Variants in SOS2 observed in about 807,000 individuals in gnomAD.
SOS2 encodes SOS Ras/Rho guanine nucleotide exchange factor 2.
Under a neutral mutation model 148.2 loss-of-function variants are expected in SOS2, and 65 were observed. The observed-to-expected ratio is 0.44, with a 90% CI of 0.36 to 0.54. SOS2 has a LOEUF of 0.54. Among genes scored for constraint, SOS2 ranks in the 20% least tolerant of loss-of-function variants. The pLI, the probability that SOS2 is intolerant of heterozygous loss-of-function variation, is 0.00. For synonymous variants in SOS2, 539 were observed against 537.1 expected (o/e 1.00, Z -0.05); for missense variants, 1,341 against 1,590.2 (o/e 0.84, Z 2.67).
Position 50,182,587 on chromosome 14 carries a change from C to A in SOS2, c.734G>T (p.Ser245Ile). Residue 245 changes from serine to isoleucine, a missense_variant, in exon 6 of 23, where the codon AGT becomes ATT. Transcript: ENST00000216373. ...CAATTCATGTATATCTGAAATGTTA[C>A]TAAAAATCTTTTCGATATCCTGAAA... is the stretch of plus-strand genomic sequence containing the variant. ...FKPSDIEKIFSNISDIHELTV... is the reference protein window; with the variant it reads ...FKPSDIEKIFINISDIHELTV... 6.2e-7 allele frequency: 1 copy of A among 1,602,948 alleles called. No individual in the cohort carries two copies. The highest frequency in any genetic ancestry group is 1.3e-5 in the African/African-American group (1 of 74,662).
chr14:50,202,117 T>C (rs946076976), intron 2 of SOS2, among the ~76,000 whole-genome samples: 2 of 152,100 alleles, frequency 1.3e-5, no homozygotes, highest in African/African-American at 2.4e-5. Context: ...CACATACCCC[T>C]ACTCTTGGCT....
At chr14:50,222,492 T>C (rs889860169) in intron 1 of SOS2, among the ~76,000 whole-genome samples, 4 of 152,174 alleles carry the variant, frequency 2.6e-5, no homozygotes, top group Non-Finnish European at 5.9e-5. Context: ...TGTGGGACTG[T>C]CTGGGAAGCA....
chr14:50,150,622 C>T (rs79041320), intron 13 of SOS2, among the ~76,000 whole-genome samples: 5,327 of 150,422 alleles, frequency 0.035, 328 homozygotes, highest in African/African-American at 0.12. Context: ...AGTGCAGTGG[C>T]GCAATCTCAA....
At chr14:50,136,125 G>C (rs563108616) in intron 18 of SOS2, among the ~76,000 whole-genome samples, 6 of 152,288 alleles carry the variant, frequency 3.9e-5, no homozygotes, top group African/African-American at 1.4e-4. Flanking sequence ...CTGAAACAAT[G>C]TGTTCTTATG....
chr14:50,221,831 TTAA>T (rs200318427), intron 1 of SOS2, among the ~76,000 whole-genome samples: 2 of 151,680 alleles, frequency 1.3e-5, no homozygotes, highest in Non-Finnish European at 2.9e-5. Flanking sequence ...GAATGAGACT[TTAA>T]TAATAATAAT....
At chr14:50,218,247 G>A (rs1222673719) in intron 1 of SOS2, among the ~76,000 whole-genome samples, 2 of 142,140 alleles carry the variant, frequency 1.4e-5, no homozygotes, top group African/African-American at 2.6e-5. Flanking sequence ...AAAAGGCCGA[G>A]TGAGATGGCT....
intron 1 of SOS2, among the ~76,000 whole-genome samples, chr14:50,222,405 G>C (rs1887226861): frequency 6.6e-6 from 1 of 152,176 alleles, no homozygotes; most frequent in Non-Finnish European, 1.5e-5. Flanking sequence ...ATGATGACTA[G>C]GTTTCTGGCT....
intron 8 of SOS2, among the ~76,000 whole-genome samples, chr14:50,171,715 C>T (rs1391788570): frequency 1.4e-5 from 2 of 147,446 alleles, no homozygotes; most frequent in Admixed American, 6.8e-5. Flanking sequence ...AAAAATTCAA[C>T]GGTCTATCAA....
intron 11 of SOS2, among the ~76,000 whole-genome samples, chr14:50,157,416 T>C (rs953330481): frequency 1.3e-5 from 2 of 152,062 alleles, no homozygotes; most frequent in Non-Finnish European, 2.9e-5. Context: ...ATGACAGAAA[T>C]TGCTTATCTA....
At chr14:50,152,201 T>C (rs1239618929) in intron 13 of SOS2, among the ~76,000 whole-genome samples, 1 of 152,202 alleles carries the variant, frequency 6.6e-6, no homozygotes, top group Admixed American at 6.5e-5. Context: ...TGTAATGCCC[T>C]ATAATGTCAG....
At chr14:50,174,584 GTC>G (rs1259615385) in intron 7 of SOS2, 32 bp from the exon 8 acceptor site, 1 of 1,320,718 alleles carries the variant, frequency 7.6e-7, no homozygotes, top group Non-Finnish European at 1.1e-6. Context: ...CAGTATGTAT[GTC>G]TCTGACATCA....
rs769352438 is a variant in SOS2 at position 50,188,628 on chromosome 14, CAGA to C, written c.580_582del (p.Ser194del). The C allele has an allele frequency of 1.3e-5, 21 of 1,609,812 alleles. No homozygotes were observed. The highest frequency in any genetic ancestry group is 1.7e-5 in the Non-Finnish European group (20 of 1,177,316). ...ACAAGATCATAGTAGTTTAATTCAC[CAGA>C]AGAACTAGGTTCATCTTCACAGAGA... On this transcript the variant is annotated inframe_deletion, in exon 5 of 23. Coordinates refer to ENST00000216373, the MANE Select transcript of SOS2 (RefSeq NM_006939.4).
intron 1 of SOS2, chr14:50,215,419 C>T (rs117294554): frequency 1.2e-5 from 15 of 1,283,314 alleles, no homozygotes; most frequent in Admixed American, 2.3e-5. Flanking sequence ...GGAAGAGAAC[C>T]ATGCTTTACA....
intron 5 of SOS2, among the ~76,000 whole-genome samples, chr14:50,187,449 G>T (rs1011247119): frequency 6.7e-6 from 1 of 148,272 alleles, no homozygotes; most frequent in African/African-American, 2.5e-5. Context: ...CCAGGTTCAC[G>T]CCATTCTCCT....
intron 1 of SOS2, among the ~76,000 whole-genome samples, chr14:50,219,838 C>T (rs1171593209): frequency 6.6e-6 from 1 of 151,970 alleles, no homozygotes; most frequent in Non-Finnish European, 1.5e-5. Flanking sequence ...AACCATTTCT[C>T]GTTTGTTTTT....
intron 5 of SOS2, among the ~76,000 whole-genome samples, chr14:50,188,053 T>C (rs575393191): frequency 4.1e-4 from 63 of 152,308 alleles, no homozygotes; most frequent in African/African-American, 1.5e-3. Flanking sequence ...TTCACATGTT[T>C]ATAAAGCCCA....
intron 19 of SOS2, among the ~76,000 whole-genome samples, chr14:50,133,466 C>G (rs1490692592): frequency 6.6e-6 from 1 of 152,032 alleles, no homozygotes; most frequent in Non-Finnish European, 1.5e-5. Flanking sequence ...TCCCAATGTG[C>G]TGGGATTACA....
At chr14:50,213,879 G>C (rs954109043) in intron 1 of SOS2, among the ~76,000 whole-genome samples, 1 of 148,440 alleles carries the variant, frequency 6.7e-6, no homozygotes, top group African/African-American at 2.5e-5. Context: ...AACAGAGTGA[G>C]TCCCTGCCAA....
At chr14:50,163,853 T>C (rs557743415) in intron 8 of SOS2, among the ~76,000 whole-genome samples, 1 of 152,304 alleles carries the variant, frequency 6.6e-6, no homozygotes, top group African/African-American at 2.4e-5. Flanking sequence ...ACCAAAAAGG[T>C]ATGATTTTCA....
Sources: gnomAD v4.1 joint callset for allele counts (sites outside exome capture counted in the v4.1 genomes callset) on GRCh38, gnomAD v4.1.1 for gene constraint, MANE v1.5 for transcripts, NCBI Gene and HGNC (gene_info 2026-07-23, HGNC 2026-07-21) for gene names.